The following PROC variants were observed in gnomAD, a reference collection of about 807,000 sequenced individuals.
The protein encoded by PROC is protein C, inactivator of coagulation factors Va and VIIIa.
A neutral mutation model predicts 36.3 loss-of-function variants in PROC; 22 were observed. The observed-to-expected ratio is 0.61, with a 90% CI of 0.43 to 0.86. PROC has a LOEUF of 0.86. Ranked by LOEUF, PROC falls within the 40% of genes least tolerant of loss-of-function variation. The pLI, the probability that PROC is intolerant of heterozygous loss-of-function variation, is 0.00. For synonymous variants in PROC, 218 were observed against 244.5 expected (o/e 0.89, Z 1.01); for missense variants, 526 against 629.7 (o/e 0.84, Z 1.76).
In PROC at chr2:127,427,088, AT is replaced by A; in HGVS notation, c.679-16del. On this transcript the variant is annotated splice_polypyrimidine_tract_variant and intron_variant, in intron 7 of 8. Coordinates refer to ENST00000234071, the MANE Select transcript of PROC (RefSeq NM_000312.4). ...CAGGAGGCAGCCCTGTGATGTCATC[AT>A]CCCACCCCATTCCAGGTGGTCCTGC... The A allele has an allele frequency of 6.2e-7, 1 of 1,609,660 alleles. No homozygotes were observed. The highest frequency in any genetic ancestry group is 1.7e-4 in the Middle Eastern group (1 of 6,054).
At chr2:127,422,364 C>G (rs756908792) in intron 3 of PROC, among the ~76,000 whole-genome samples, 8 of 152,266 alleles carry the variant, frequency 5.3e-5, no homozygotes, top group Non-Finnish European at 7.3e-5. Flanking sequence ...TGGCTGGCCT[C>G]TCTGATGGAG....
intron 2 of PROC, 29 bp from the exon 3 acceptor site, chr2:127,421,254 A>C: frequency 6.2e-7 from 1 of 1,612,900 alleles, no homozygotes; most frequent in Non-Finnish European, 8.5e-7. Flanking sequence ...CCCTCCACCA[A>C]GGTGAGCTCC....
Position 127,429,160 on chromosome 2 carries a change from A to T in PROC, c.*214A>T, listed in dbSNP as rs1190844267. 1.6e-6 allele frequency: 1 copy of T among 614,088 alleles called. No homozygotes were observed. Among genetic ancestry groups the T allele is most frequent in the Non-Finnish European group, 2.8e-6 (1 of 352,922 alleles). The allele number at this position is 614,088 out of a possible 1,614,324, so 38.0% of individuals were successfully genotyped here. A position where few individuals can be genotyped will look rare whatever the true frequency, so the allele number is the denominator to read the frequency against. ...AACTCTGTGGGGTGGGGAGGAGCAG[A>T]TCCAAGTTTTGCGGGGTCTAAAGCT... On this transcript the variant is annotated 3_prime_UTR_variant, in exon 9 of 9. Transcript: ENST00000234071.
At chr2:127,421,855 C>T (rs953586338) in intron 3 of PROC, among the ~76,000 whole-genome samples, 1 of 152,188 alleles carries the variant, frequency 6.6e-6, no homozygotes, top group Non-Finnish European at 1.5e-5. Context: ...CACATAAAAT[C>T]GCTCACTCTG....
chr2:127,418,530 A>C lies in PROC; in HGVS notation c.-22+38A>C. 1 of 1,287,522 alleles carries C rather than the reference A, an allele frequency of 7.8e-7. No homozygotes were observed. Among genetic ancestry groups the C allele is most frequent in the Non-Finnish European group, 1.0e-6 (1 of 986,870 alleles). The allele number at this position is 1,287,522 out of a possible 1,614,324, so 79.8% of individuals were successfully genotyped here. ...CCAGGCAGGTCTATGAGGGGTGTGG[A>C]GGGAGGGCTGCCCCCGGGAGAAGAG... is the stretch of plus-strand genomic sequence containing the variant. On this transcript the variant is annotated intron_variant, in intron 1 of 8. Coordinates refer to ENST00000234071, the MANE Select transcript of PROC (RefSeq NM_000312.4). This position sits in a 1 kb window ranked among gnomAD's most constrained non-coding sequence, Gnocchi z 4.8.
chr2:127,421,071 G>GC (rs1249135720), intron 2 of PROC, among the ~76,000 whole-genome samples: 1 of 152,186 alleles, frequency 6.6e-6, no homozygotes, highest in Non-Finnish European at 1.5e-5. Context: ...CTCAGAGCAA[G>GC]GCTTCGTCCT....
At chr2:127,420,330 C>T (rs967889561) in intron 2 of PROC, among the ~76,000 whole-genome samples, 4 of 152,166 alleles carry the variant, frequency 2.6e-5, no homozygotes, top group Non-Finnish European at 5.9e-5. Flanking sequence ...ACTGTGAAGA[C>T]CCCAGGCCCA....
At chr2:127,427,356 TG>T in intron 8 of PROC, 134 bp downstream of exon 8, 1 of 786,614 alleles carries the variant, frequency 1.3e-6, no homozygotes, top group South Asian at 1.5e-5. Flanking sequence ...AGAAGGTGTT[TG>T]GGGGGAAGAG....
chr2:127,423,274 A>G lies in PROC; in HGVS notation c.401A>G (p.Glu134Gly), dbSNP rs1688244962. ...SGWEGRFCQR[E>G]VSFLNCSLDN... Reference sequence around the variant, plus strand: ...TGCCCGCGCCCTCCCCTGCCCGCAGAGGTGAGCTTCCTCAATTGCTCGCTG... The same window carrying G: ...TGCCCGCGCCCTCCCCTGCCCGCAGGGGTGAGCTTCCTCAATTGCTCGCTG... Residue 134 changes from glutamate (E) to glycine (G), a missense_variant and splice_region_variant, in exon 6 of 9, where the codon GAG (glutamate) becomes GGG (glycine). Coordinates refer to ENST00000234071, the MANE Select transcript of PROC (RefSeq NM_000312.4). 1.3e-6 allele frequency: 2 copies of G among 1,547,222 alleles called. No homozygotes were observed. Among genetic ancestry groups the G allele is most frequent in the East Asian group, 4.9e-5 (2 of 40,666 alleles).
intron 3 of PROC, 92 bp from the exon 4 acceptor site, chr2:127,422,825 C>T: frequency 2.0e-6 from 3 of 1,510,940 alleles, no homozygotes; most frequent in Non-Finnish European, 2.7e-6. Flanking sequence ...CCCTCCCCTC[C>T]CCTGCCCGCT....
Position 127,427,156 on chromosome 2 carries a change from C to T in PROC, c.730C>T (p.His244Tyr), listed in dbSNP as rs759557871. ...KKLACGAVLI[H>Y]PSWVLTAAHC... Reference sequence around the variant, plus strand: ...GCTGGCCTGCGGGGCAGTGCTCATCCACCCCTCCTGGGTGCTGACAGCGGC... The same window carrying T: ...GCTGGCCTGCGGGGCAGTGCTCATCTACCCCTCCTGGGTGCTGACAGCGGC... Residue 244 changes from histidine to tyrosine, a missense_variant, in exon 8 of 9, where the codon CAC becomes TAC. His to Tyr is a moderately conservative substitution (Grantham distance 83, BLOSUM62 2). Coordinates refer to ENST00000234071, the MANE Select transcript of PROC (RefSeq NM_000312.4). 78 of 1,613,714 alleles carry T rather than the reference C, an allele frequency of 4.8e-5. No individual in the cohort carries two copies. The highest frequency in any genetic ancestry group is 2.2e-4 in the East Asian group (10 of 44,886).
chr2:127,422,207 C>T (rs545917740), intron 3 of PROC, among the ~76,000 whole-genome samples: 1 of 152,324 alleles, frequency 6.6e-6, no homozygotes, highest in East Asian at 1.9e-4. Flanking sequence ...TGACTGGACC[C>T]CCATCTGGAC....
At chr2:127,425,995 A>C in intron 6 of PROC, 90 bp from the exon 7 acceptor site, 1 of 1,536,378 alleles carries the variant, frequency 6.5e-7, no homozygotes, top group South Asian at 1.1e-5. Context: ...ACTGTGGCAA[A>C]GTGGCCCACA....
chr2:127,421,171 G>A (rs566601728), intron 2 of PROC, 112 bp from the exon 3 acceptor site: 8 of 1,111,938 alleles, frequency 7.2e-6, no homozygotes, highest in African/African-American at 4.6e-5. Flanking sequence ...TTGAGGGGGC[G>A]GAGACAAGAC....
In PROC at chr2:127,428,741, G is replaced by T. The variant is rs767219916; in HGVS notation, c.1181G>T (p.Arg394Leu). ...CTGTGTGCGGGCATCCTCGGGGACC[G>T]GCAGGATGCCTGCGAGGGCGACAGT... Reference protein sequence around the residue: ...NMLCAGILGDRQDACEGDSGG... With the variant: ...NMLCAGILGDLQDACEGDSGG... The change falls in exon 9 of 9, where the codon CGG becomes CTG. Residue 394 changes from arginine to leucine, a missense_variant. Arg to Leu is a moderately radical substitution (Grantham distance 102). Coordinates refer to ENST00000234071, the MANE Select transcript of PROC (RefSeq NM_000312.4). The T allele has an allele frequency of 6.2e-7, 1 of 1,613,412 alleles. No individual in the cohort carries two copies. The highest frequency in any genetic ancestry group is 8.5e-7 in the Non-Finnish European group (1 of 1,179,990).
chr2:127,423,071 G>A lies in PROC; in HGVS notation c.300G>A (p.Pro100=), dbSNP rs776372871. 3.1e-6 allele frequency: 5 copies of A among 1,612,104 alleles called. No homozygotes were observed. Among genetic ancestry groups the A allele is most frequent in the Non-Finnish European group, 8.5e-7 (1 of 1,179,592 alleles). ...GCTTGGTCTTGCCCTTGGAGCACCC[G>A]TGCGCCAGCCTGTGCTGCGGGCACG... ...DQCLVLPLEH[P]CASLCCGHGT... is the part of the protein sequence containing the mutation. The change falls in exon 5 of 9, where the codon CCG becomes CCA. Residue 100 remains proline, a synonymous_variant. Transcript: ENST00000234071.
chr2:127,422,828 T>A, intron 3 of PROC, 89 bp from the exon 4 acceptor site: 99 of 1,395,908 alleles, frequency 7.1e-5, no homozygotes, highest in Non-Finnish European at 9.5e-5. Flanking sequence ...TCCCCTCCCC[T>A]GCCCGCTCAC....
At chr2:127,428,210 G>C in intron 8 of PROC, 147 bp from the exon 9 acceptor site, 1 of 782,674 alleles carries the variant, frequency 1.3e-6, no homozygotes. Flanking sequence ...CCAGTGCCTG[G>C]GACGTGTGGG....
chr2:127,423,239 C>G, intron 5 of PROC, 35 bp from the exon 6 acceptor site: 1 of 1,531,968 alleles, frequency 6.5e-7, no homozygotes, highest in Non-Finnish European at 8.8e-7. Flanking sequence ...GGCGCGGCAC[C>G]AGCACCAGCT....
Sources: gnomAD v4.1 joint callset for allele counts (sites outside exome capture counted in the v4.1 genomes callset) on GRCh38, gnomAD v4.1.1 for gene constraint, Gnocchi (gnomAD v3.1) non-coding constraint, MANE v1.5 for transcripts, NCBI Gene and HGNC (gene_info 2026-07-23, HGNC 2026-07-21) for gene names.